METTL15: variants seen among roughly 807,000 people sequenced by gnomAD.
METTL15 encodes the protein 12S rRNA N(4)-cytidine methyltransferase METTL15.
Under a neutral mutation model 38.3 loss-of-function variants are expected in METTL15, and 34 were observed. That is an observed-to-expected ratio of 0.89 (90% confidence interval 0.68 to 1.18). The LOEUF (loss-of-function observed/expected upper bound fraction) is 1.18, where lower values mean the gene tolerates loss of function less well. Ranked by LOEUF, METTL15 falls within the 50% of genes most tolerant of loss-of-function variation. The pLI, the probability that METTL15 is intolerant of heterozygous loss-of-function variation, is 0.00. For synonymous variants in METTL15, 162 were observed against 170.9 expected (o/e 0.95, Z 0.41); for missense variants, 438 against 498.4 (o/e 0.88, Z 1.15).
intron 6 of METTL15, among the ~76,000 whole-genome samples, chr11:28,440,335 A>T (rs2133439905): frequency 6.6e-6 from 1 of 152,322 alleles, no homozygotes; most frequent in African/African-American, 2.4e-5. Context: ...AAAATTGCTT[A>T]CTATGAATTA....
At chr11:28,185,743 T>G (rs916427065) in intron 3 of METTL15, among the ~76,000 whole-genome samples, 2 of 151,194 alleles carry the variant, frequency 1.3e-5, no homozygotes, top group African/African-American at 4.8e-5. Context: ...TGTATGTTAT[T>G]TATTTATTCA....
chr11:28,237,207 G>C (rs929562703), intron 4 of METTL15, among the ~76,000 whole-genome samples: 11 of 152,142 alleles, frequency 7.2e-5, no homozygotes, highest in Non-Finnish European at 1.6e-4. Flanking sequence ...TTTCCAACTT[G>C]GTTCCATTCT....
intron 4 of METTL15, among the ~76,000 whole-genome samples, chr11:28,281,376 C>G (rs1018017341): frequency 1.3e-5 from 2 of 152,138 alleles, no homozygotes; most frequent in African/African-American, 2.4e-5. Context: ...ATGAAGCTGC[C>G]GAAAGTTCTC....
chr11:28,494,612 G>A (rs1238030086), intron 6 of METTL15, among the ~76,000 whole-genome samples: 7 of 152,150 alleles, frequency 4.6e-5, no homozygotes, highest in Admixed American at 4.6e-4. Context: ...CTCATCTTCA[G>A]TTGTAGCTCC....
intron 4 of METTL15, among the ~76,000 whole-genome samples, chr11:28,213,751 G>T (rs1043451444): frequency 1.2e-4 from 18 of 151,542 alleles, no homozygotes; most frequent in African/African-American, 3.9e-4. Flanking sequence ...CGCCTCCCGG[G>T]TTCACACTAT....
At chr11:28,530,163 A>G (rs1851836344), downstream of METTL15, among the ~76,000 whole-genome samples, 1 of 152,176 alleles carries the variant, frequency 6.6e-6, no homozygotes, top group African/African-American at 2.4e-5. Flanking sequence ...GCACAGGCAA[A>G]GCCTCTAAAG....
chr11:28,256,891 A>G (rs1485995491), intron 4 of METTL15, among the ~76,000 whole-genome samples: 2 of 151,900 alleles, frequency 1.3e-5, no homozygotes, highest in African/African-American at 4.8e-5. Flanking sequence ...AGGTTTTGTT[A>G]TGTTGTGTTT....
At chr11:28,524,869 A>G (rs915317748) in intron 6 of METTL15, among the ~76,000 whole-genome samples, 2 of 152,178 alleles carry the variant, frequency 1.3e-5, no homozygotes, top group Non-Finnish European at 2.9e-5. Context: ...GGACCCTCGC[A>G]GTGAGTGTTA....
intron 4 of METTL15, among the ~76,000 whole-genome samples, chr11:28,232,224 T>A (rs936982080): frequency 6.6e-6 from 1 of 151,934 alleles, no homozygotes. Context: ...CCTGATTAGA[T>A]ATACCATATC....
chr11:28,297,193 A>G (rs1000362519), intron 6 of METTL15, among the ~76,000 whole-genome samples: 1 of 151,984 alleles, frequency 6.6e-6, no homozygotes. Context: ...TAGTTTGCTA[A>G]TTTGTATAAT....
At chr11:28,457,987 C>T in intron 6 of METTL15, among the ~76,000 whole-genome samples, 1 of 152,134 alleles carries the variant, frequency 6.6e-6, no homozygotes, top group Non-Finnish European at 1.5e-5. Context: ...TAAAGCTCCC[C>T]CTCAGGGCAT....
intron 5 of METTL15, among the ~76,000 whole-genome samples, chr11:28,386,343 C>T (rs1368023968): frequency 1.3e-5 from 2 of 151,792 alleles, no homozygotes; most frequent in African/African-American, 4.8e-5. Context: ...AAGCTGTCTA[C>T]AAGAGATTCA....
chr11:28,360,185 A>C (rs1165200217), intron 4 of METTL15, among the ~76,000 whole-genome samples: 1 of 152,246 alleles, frequency 6.6e-6, no homozygotes, highest in African/African-American at 2.4e-5. Context: ...CCAGTGGTCA[A>C]TTCATTCTTT....
chr11:28,260,096 G>T (rs576018760), intron 4 of METTL15, among the ~76,000 whole-genome samples: 2 of 152,080 alleles, frequency 1.3e-5, no homozygotes, highest in Admixed American at 1.3e-4. Flanking sequence ...GCCTCAGTTG[G>T]GCTTTGGTAA....
At chr11:28,180,320 G>C (rs1474726137) in intron 3 of METTL15, among the ~76,000 whole-genome samples, 2 of 151,706 alleles carry the variant, frequency 1.3e-5, no homozygotes, top group East Asian at 3.9e-4. Flanking sequence ...CTTAATCTTT[G>C]AACAATCCTG....
At chr11:28,309,883 T>C (rs1211001408) in intron 6 of METTL15, among the ~76,000 whole-genome samples, 2 of 152,204 alleles carry the variant, frequency 1.3e-5, no homozygotes, top group Non-Finnish European at 2.9e-5. Context: ...AGTCATCTCT[T>C]GTAAATATCC....
chr11:28,328,829 G>T lies in METTL15; in HGVS notation c.779-1567G>T, dbSNP rs1849722912. Among the ~76,000 whole-genome samples, 4 of 151,836 alleles carry T rather than the reference G, an allele frequency of 2.6e-5. 1 individual carries two copies. In the South Asian group the frequency reaches 8.3e-4, roughly 32 times the overall value. ...GATATAAATAATATACATGTATTCT[G>T]CAGTTTACTTCTTTTATATATTCTA... On this transcript the variant is annotated intron_variant, in intron 6 of 6. Transcript: ENST00000407364.
rs111379593 is a variant in METTL15 at position 28,402,263 on chromosome 11, G to C, written c.*359-22036G>C. On this transcript the variant is annotated intron_variant and NMD_transcript_variant, in intron 5 of 7. Transcript: ENST00000532947. ...GATTCTGCCTCCTAAATACTCTCCA[G>C]TGCCTTTACTTTCCTTAGCCTAGAT... is the stretch of plus-strand genomic sequence containing the variant. Among the ~76,000 whole-genome samples, 341 of 152,004 alleles carry C rather than the reference G, an allele frequency of 2.2e-3. 1 individual carries two copies. Among genetic ancestry groups the C allele is most frequent in the Middle Eastern group, 6.8e-3 (2 of 294 alleles).
intron 3 of METTL15, among the ~76,000 whole-genome samples, chr11:28,126,535 A>G (rs746938658): frequency 2.0e-5 from 3 of 152,166 alleles, no homozygotes; most frequent in Non-Finnish European, 4.4e-5. Context: ...AAGGTCCTAC[A>G]GAAAGAGACA....
Sources: allele counts gnomAD v4.1 joint callset (sites outside exome capture counted in the v4.1 genomes callset), GRCh38; gene constraint gnomAD v4.1.1; transcripts MANE v1.5; gene names NCBI Gene and HGNC (gene_info 2026-07-23, HGNC 2026-07-21).